The following NCKAP5 variants were observed in gnomAD, a reference collection of about 807,000 sequenced individuals.
NCKAP5 encodes the protein NCK associated protein 5, also known as nck-associated protein 5.
NCKAP5 carries 92 observed loss-of-function variants against 167.0 expected under a neutral mutation model. That is an observed-to-expected ratio of 0.55 (90% CI 0.47 to 0.66). The LOEUF (loss-of-function observed/expected upper bound fraction) is 0.66. Ranked by LOEUF, NCKAP5 falls within the 30% of genes least tolerant of loss-of-function variation. NCKAP5 has a pLI of 0.00. For missense variants in NCKAP5, 2,378 were observed against 2,315.0 expected, an observed-to-expected ratio of 1.03 and a Z score of -0.56; for synonymous variants, 891 against 877.4, an observed-to-expected ratio of 1.02 and a Z score of -0.27.
At chr2:133,052,143 G>A (rs1213306736) in intron 6 of NCKAP5, among the ~76,000 whole-genome samples, 2 of 152,154 alleles carry the variant, frequency 1.3e-5, no homozygotes, top group Admixed American at 6.5e-5. Context: ...ACAAGTTAGA[G>A]CTTCAGAAAA....
chr2:133,563,942 C>T (rs749115549), intron 1 of NCKAP5, among the ~76,000 whole-genome samples: 20 of 151,716 alleles, frequency 1.3e-4, no homozygotes, highest in Non-Finnish European at 2.5e-4. Context: ...GAGACCAGCC[C>T]GGCTAACATG....
chr2:133,349,975 C>T (rs1249355081), intron 3 of NCKAP5, among the ~76,000 whole-genome samples: 3 of 152,126 alleles, frequency 2.0e-5, no homozygotes, highest in Admixed American at 6.6e-5. Flanking sequence ...CAGAGATTTC[C>T]GTGTACCTTT....
At chr2:133,612,851 G>A in the NCKAP5 span, among the ~76,000 whole-genome samples, 3 of 152,118 alleles carry the variant, frequency 2.0e-5, no homozygotes, top group Admixed American at 6.6e-5. Context: ...TTATAACATT[G>A]CTCTTAAGCG....
intron 2 of NCKAP5, among the ~76,000 whole-genome samples, chr2:133,532,567 C>T (rs1160042730): frequency 3.9e-5 from 6 of 152,200 alleles, no homozygotes; most frequent in South Asian, 2.1e-4. Context: ...CCAGTGCCCC[C>T]ACCCTGACTG....
intron 8 of NCKAP5, among the ~76,000 whole-genome samples, chr2:132,949,382 GCT>G (rs2076112428): frequency 6.6e-6 from 1 of 152,094 alleles, no homozygotes; most frequent in South Asian, 2.1e-4. Flanking sequence ...CCTCCAACCA[GCT>G]CTCTCTCACT....
chr2:133,340,360 G>T (rs1237762014), intron 3 of NCKAP5, among the ~76,000 whole-genome samples: 1 of 152,070 alleles, frequency 6.6e-6, no homozygotes, highest in African/African-American at 2.4e-5. Context: ...CCCCTCAAAG[G>T]TCCTTTCCTC....
intron 4 of NCKAP5, among the ~76,000 whole-genome samples, chr2:133,270,669 A>G (rs2089466924): frequency 6.6e-6 from 1 of 152,168 alleles, no homozygotes; most frequent in South Asian, 2.1e-4. Flanking sequence ...GAAAATTGAA[A>G]GTATCTTTGA....
At chr2:132,746,859 C>A (rs1204290874) in intron 16 of NCKAP5, among the ~76,000 whole-genome samples, 1 of 151,986 alleles carries the variant, frequency 6.6e-6, no homozygotes, top group African/African-American at 2.4e-5. Flanking sequence ...TAAGAGAGGC[C>A]AAACCCCCAA....
intron 5 of NCKAP5, among the ~76,000 whole-genome samples, chr2:133,197,887 T>C (rs1246143155): frequency 6.6e-6 from 1 of 152,012 alleles, no homozygotes; most frequent in Non-Finnish European, 1.5e-5. Flanking sequence ...GAGGCGGAGA[T>C]TGCAGTGAGC....
chr2:133,149,467 A>T (rs2083308568), intron 5 of NCKAP5, among the ~76,000 whole-genome samples: 2 of 149,314 alleles, frequency 1.3e-5, no homozygotes, highest in Non-Finnish European at 3.0e-5. Flanking sequence ...CCACACAAAC[A>T]GCTCTTCTCT....
At chr2:133,519,438 C>T (rs1250965020) in intron 2 of NCKAP5, among the ~76,000 whole-genome samples, 1 of 152,172 alleles carries the variant, frequency 6.6e-6, no homozygotes, top group Non-Finnish European at 1.5e-5. Context: ...TGGGAGGCTG[C>T]CTTTTCTACT....
intron 8 of NCKAP5, among the ~76,000 whole-genome samples, chr2:132,960,502 A>G (rs2149191880): frequency 6.6e-6 from 1 of 152,308 alleles, no homozygotes; most frequent in South Asian, 2.1e-4. Flanking sequence ...ATATTCTGCC[A>G]TGACCCCATA....
intron 15 of NCKAP5, among the ~76,000 whole-genome samples, chr2:132,774,842 T>C (rs1180672643): frequency 6.6e-6 from 1 of 152,222 alleles, no homozygotes; most frequent in Non-Finnish European, 1.5e-5. Context: ...TTAGCTTTAT[T>C]TTAGAGATGA....
At chr2:133,447,123 A>T (rs1004047521) in intron 3 of NCKAP5, among the ~76,000 whole-genome samples, 2 of 152,140 alleles carry the variant, frequency 1.3e-5, no homozygotes, top group Non-Finnish European at 2.9e-5. Context: ...CATGGGAGGA[A>T]CACACCACGA....
At chr2:133,429,075 A>G (rs1254821029) in intron 3 of NCKAP5, among the ~76,000 whole-genome samples, 2 of 152,188 alleles carry the variant, frequency 1.3e-5, no homozygotes, top group Non-Finnish European at 2.9e-5. Flanking sequence ...CGGGACGGTT[A>G]TAACAGCACA....
chr2:133,046,055 G>A (rs1441047417), intron 6 of NCKAP5, among the ~76,000 whole-genome samples: 4 of 152,166 alleles, frequency 2.6e-5, no homozygotes, highest in Admixed American at 1.3e-4. Context: ...GCAGGTTGGT[G>A]AGAAATCTCA....
At chr2:133,311,798 A>G (rs1447245307) in intron 3 of NCKAP5, among the ~76,000 whole-genome samples, 1 of 152,190 alleles carries the variant, frequency 6.6e-6, no homozygotes, top group Non-Finnish European at 1.5e-5. Flanking sequence ...CTAGTACCCT[A>G]TCTACAAGGG....
At chr2:133,432,897 G>C (rs1463113394) in intron 3 of NCKAP5, among the ~76,000 whole-genome samples, 3 of 152,084 alleles carry the variant, frequency 2.0e-5, no homozygotes, top group African/African-American at 7.2e-5. Flanking sequence ...TGCTTCTTTT[G>C]TAGTATTTTA....
intron 3 of NCKAP5, among the ~76,000 whole-genome samples, chr2:133,416,196 T>C (rs898538676): frequency 2.0e-5 from 3 of 152,202 alleles, no homozygotes; most frequent in Admixed American, 6.5e-5. Context: ...GCTCTGGGTG[T>C]AATCAGCACT....
Sources: gnomAD v4.1 joint callset for allele counts (sites outside exome capture counted in the v4.1 genomes callset) on GRCh38, gnomAD v4.1.1 for gene constraint, MANE v1.5 for transcripts, NCBI Gene and HGNC (gene_info 2026-07-23, HGNC 2026-07-21) for gene names.